VEPH1: variants seen among roughly 807,000 people sequenced by gnomAD.
VEPH1 encodes the protein ventricular zone-expressed PH domain-containing protein homolog 1.
VEPH1 carries 80 observed loss-of-function variants against 85.2 expected under a neutral mutation model. The observed-to-expected ratio is 0.94, with a 90% CI of 0.78 to 1.13. The LOEUF (loss-of-function observed/expected upper bound fraction) is 1.13, where lower values mean the gene tolerates loss of function less well. VEPH1 is among the 50% of genes most tolerant of loss of function. VEPH1 has a pLI of 0.00. For synonymous variants in VEPH1, 297 were observed against 348.0 expected, an observed-to-expected ratio of 0.85 and a Z score of 1.63; for missense variants, 955 against 980.5, an observed-to-expected ratio of 0.97 and a Z score of 0.35.
At chr3:157,359,606 C>G (rs146280207) in intron 9 of VEPH1, among the ~76,000 whole-genome samples, 67 of 152,218 alleles carry the variant, frequency 4.4e-4, no homozygotes, top group African/African-American at 1.6e-3. Flanking sequence ...ATTGCCTGTT[C>G]CCAGTGTGAT....
At chr3:157,319,641 G>T (rs1721157727) in intron 9 of VEPH1, among the ~76,000 whole-genome samples, 1 of 152,158 alleles carries the variant, frequency 6.6e-6, no homozygotes, top group Admixed American at 6.5e-5. Flanking sequence ...TCTTTTCCAA[G>T]AATTCATGTA....
At chr3:157,432,647 A>C (rs997805737) in intron 4 of VEPH1, among the ~76,000 whole-genome samples, 2 of 152,092 alleles carry the variant, frequency 1.3e-5, no homozygotes, top group African/African-American at 4.8e-5. Flanking sequence ...CTCTTCATCA[A>C]GTCTACATTT....
chr3:157,304,038 T>TATATATACACACACACAC lies in VEPH1; in HGVS notation c.2010+9582_2010+9583insGTGTGTGTGTGTATATAT. Among the ~76,000 whole-genome samples, 134 of 96,920 alleles carry TATATATACACACACACAC rather than the reference T, an allele frequency of 1.4e-3. 12 individuals carry two copies. Among genetic ancestry groups the TATATATACACACACACAC allele is most frequent in the Admixed American group, 2.3e-3 (16 of 6,972 alleles). 63.6% of individuals were successfully genotyped at this position (96,920 alleles called of 152,430 possible). ...CTTATATTTTTTATATATATATATA[T>TATATATACACACACACAC]ACACACATACTGTTACATCTTATAT... On this transcript the variant is annotated intron_variant, in intron 11 of 13. Coordinates refer to ENST00000362010, the MANE Select transcript of VEPH1 (RefSeq NM_001167912.2).
In VEPH1 at chr3:157,397,555, T is replaced by C. The variant is rs546127688; in HGVS notation, c.907-16179A>G. On this transcript the variant is annotated intron_variant, in intron 6 of 13. Transcript: ENST00000362010. ...TATTGATTCTTCCTATCAATGAGTATGGTATGTTTTTTCATTTGTTTGTGT... is the reference window on the plus strand; with the variant it reads ...TATTGATTCTTCCTATCAATGAGTACGGTATGTTTTTTCATTTGTTTGTGT... Among the ~76,000 whole-genome samples the C allele has an allele frequency of 2.6e-5, 4 of 152,288 alleles. No homozygotes were observed. The East Asian group carries it at 7.7e-4, about 29-fold the overall frequency.
chr3:157,269,193 T>C (rs1714162327), intron 12 of VEPH1, among the ~76,000 whole-genome samples: 1 of 152,196 alleles, frequency 6.6e-6, no homozygotes, highest in South Asian at 2.1e-4. Flanking sequence ...GATCCAAATG[T>C]TTCACTTGAA....
At chr3:157,354,967 A>ATCC (rs1725266802) in intron 9 of VEPH1, among the ~76,000 whole-genome samples, 1 of 152,012 alleles carries the variant, frequency 6.6e-6, no homozygotes, top group Non-Finnish European at 1.5e-5. Context: ...ACATTGAACT[A>ATCC]TCCTCCTCCT....
chr3:157,447,386 T>C (rs1428879848), intron 4 of VEPH1, among the ~76,000 whole-genome samples: 1 of 152,234 alleles, frequency 6.6e-6, no homozygotes, highest in African/African-American at 2.4e-5. Context: ...TCTATGGGTA[T>C]AAATATTCAG....
chr3:157,261,400 G>A (rs370498016), intron 13 of VEPH1, 30 bp from the exon 14 acceptor site: 7 of 1,609,774 alleles, frequency 4.3e-6, no homozygotes, highest in East Asian at 4.5e-5. Flanking sequence ...AAGAACATGG[G>A]CTGGCTGTTA....
chr3:157,477,250 G>A (rs1259374128), intron 2 of VEPH1, among the ~76,000 whole-genome samples: 3 of 151,040 alleles, frequency 2.0e-5, no homozygotes, highest in Non-Finnish European at 4.4e-5. Context: ...TTGGCTCATG[G>A]TCCCTTCCTC....
intron 2 of VEPH1, among the ~76,000 whole-genome samples, chr3:157,489,979 A>T (rs955825531): frequency 5.2e-4 from 79 of 152,068 alleles, no homozygotes; most frequent in African/African-American, 1.8e-3. Flanking sequence ...AATATAAAAC[A>T]CTTATACATT....
At chr3:157,295,537 G>A (rs1718015121) in intron 11 of VEPH1, among the ~76,000 whole-genome samples, 1 of 152,152 alleles carries the variant, frequency 6.6e-6, no homozygotes, top group Non-Finnish European at 1.5e-5. Context: ...TAGAGAGAAG[G>A]TATTACTTCC....
chr3:157,422,721 T>A (rs1732439806), intron 5 of VEPH1, among the ~76,000 whole-genome samples: 2 of 152,198 alleles, frequency 1.3e-5, no homozygotes, highest in Admixed American at 1.3e-4. Context: ...TTCCCCATCT[T>A]CCTCCAGCAC....
intron 2 of VEPH1, among the ~76,000 whole-genome samples, chr3:157,484,300 C>T (rs969590331): frequency 6.6e-6 from 1 of 152,042 alleles, no homozygotes; most frequent in African/African-American, 2.4e-5. Context: ...AAGGAACTTC[C>T]TTTTCCCCAA....
At chr3:157,404,259 G>A (rs973620587) in intron 6 of VEPH1, among the ~76,000 whole-genome samples, 1 of 152,116 alleles carries the variant, frequency 6.6e-6, no homozygotes, top group Non-Finnish European at 1.5e-5. Flanking sequence ...AGGGCCACGA[G>A]GAGGTATAAG....
chr3:157,346,281 T>C (rs1208462589), intron 9 of VEPH1, among the ~76,000 whole-genome samples: 1 of 152,210 alleles, frequency 6.6e-6, no homozygotes, highest in African/African-American at 2.4e-5. Flanking sequence ...AAATATCTTA[T>C]AGGAATCAGA....
chr3:157,490,680 G>A (rs1290579759), intron 2 of VEPH1, among the ~76,000 whole-genome samples: 2 of 152,116 alleles, frequency 1.3e-5, no homozygotes, highest in East Asian at 3.8e-4. Context: ...TGTGTAAACT[G>A]GCACATCCCT....
intron 9 of VEPH1, among the ~76,000 whole-genome samples, chr3:157,344,597 T>C (rs1370750993): frequency 6.6e-6 from 1 of 152,202 alleles, no homozygotes; most frequent in Non-Finnish European, 1.5e-5. Flanking sequence ...ATGGCCATAC[T>C]GCCCAAGGTA....
chr3:157,451,036 C>T (rs1734929397), intron 4 of VEPH1, among the ~76,000 whole-genome samples: 2 of 152,292 alleles, frequency 1.3e-5, no homozygotes, highest in East Asian at 1.9e-4. Context: ...TTTTATTTCT[C>T]ATACTGTCCT....
At chr3:157,334,854 G>T (rs2108617842) in intron 9 of VEPH1, among the ~76,000 whole-genome samples, 1 of 152,198 alleles carries the variant, frequency 6.6e-6, no homozygotes. Context: ...GGATGAGAAT[G>T]GCATGTCCGA....
Sources: allele counts gnomAD v4.1 joint callset (sites outside exome capture counted in the v4.1 genomes callset), GRCh38; gene constraint gnomAD v4.1.1; transcripts MANE v1.5; gene names NCBI Gene and HGNC (gene_info 2026-07-23, HGNC 2026-07-21).